The following DNAH6 variants were observed in gnomAD, a reference collection of about 807,000 sequenced individuals.
The protein encoded by DNAH6 is dynein axonemal heavy chain 6, also known as axonemal beta dynein heavy chain 6.
A neutral mutation model predicts 491.4 loss-of-function variants in DNAH6; 340 were observed. That is an observed-to-expected ratio of 0.69 (90% CI 0.63 to 0.76). The LOEUF is 0.76. Among genes scored for constraint, DNAH6 ranks in the 30% least tolerant of loss-of-function variants. The probability of loss-of-function intolerance (pLI) is 0.00; values close to 1 mark genes in which losing one functional copy is unlikely to be tolerated. For synonymous variants in DNAH6, 1,603 were observed against 1,686.1 expected, an observed-to-expected ratio of 0.95 and a Z score of 1.21; for missense variants, 4,443 against 4,972.2, an observed-to-expected ratio of 0.89 and a Z score of 3.20.
chr2:84,559,684 G>C (rs1215683239), intron 11 of DNAH6, among the ~76,000 whole-genome samples: 3 of 151,980 alleles, frequency 2.0e-5, no homozygotes. Flanking sequence ...CCCAATCCCT[G>C]AGCTAAAGAA....
chr2:84,716,615 T>C (rs75176140), intron 58 of DNAH6, among the ~76,000 whole-genome samples: 3,825 of 152,298 alleles, frequency 0.025, 54 homozygotes, highest in Middle Eastern at 0.085. Context: ...TTAAAGTTTA[T>C]TTCAACATAT....
intron 23 of DNAH6, among the ~76,000 whole-genome samples, chr2:84,619,383 A>G (rs995666779): frequency 6.6e-6 from 1 of 152,246 alleles, no homozygotes; most frequent in Non-Finnish European, 1.5e-5. Flanking sequence ...AAAGCCAGGT[A>G]AGACAGATAT....
intron 31 of DNAH6, among the ~76,000 whole-genome samples, chr2:84,640,012 C>T (rs1039800939): frequency 6.6e-6 from 1 of 152,176 alleles, no homozygotes; most frequent in African/African-American, 2.4e-5. Context: ...CTTGACTCCT[C>T]GGGAAACTAA....
At chr2:84,636,692 G>A (rs1181432955) in intron 30 of DNAH6, among the ~76,000 whole-genome samples, 2 of 152,178 alleles carry the variant, frequency 1.3e-5, no homozygotes, top group East Asian at 3.8e-4. Flanking sequence ...CAGAAAGTGG[G>A]AGTGGAGAAG....
chr2:84,685,324 A>C lies in DNAH6; in HGVS notation c.6917-2A>C, dbSNP rs1694164163. 3 of 1,451,248 alleles carry C rather than the reference A, an allele frequency of 2.1e-6. No individual in the cohort carries two copies. The highest frequency in any genetic ancestry group is 9.1e-7 in the Non-Finnish European group (1 of 1,095,244). The allele number at this position is 1,451,248 out of a possible 1,614,324, so 89.9% of individuals were successfully genotyped here. ...TTTTTTTTTCCTTTTCTTAAAAAAC[A>C]GGTATCCTCCAATGTGATCCAGGAA... On this transcript the variant is annotated splice_acceptor_variant, in intron 42 of 76. Transcript: ENST00000389394. LOFTEE classifies it high-confidence loss of function.
chr2:84,524,993 T>A (rs1191275585), intron 2 of DNAH6, among the ~76,000 whole-genome samples: 6 of 152,128 alleles, frequency 3.9e-5, no homozygotes, highest in African/African-American at 1.4e-4. Flanking sequence ...CTTTTTTTCT[T>A]ATCCCAGTAT....
chr2:84,819,360 C>T lies in DNAH6; in HGVS notation c.12429C>T (p.Asp4143=). 1 of 1,551,528 alleles carries T rather than the reference C, an allele frequency of 6.4e-7. No homozygotes were observed. The highest frequency in any genetic ancestry group is 8.7e-7 in the Non-Finnish European group (1 of 1,146,902). ...TVLLPSKRSK[D]YWIAKGSALL... is the part of the protein sequence containing the mutation. ...TGTTACCCTCCAAGCGGTCCAAAGA[C>T]TACTGGATTGCCAAGGGATCAGCTT... is the stretch of plus-strand genomic sequence containing the variant. The change falls in exon 77 of 77, where the codon GAC becomes GAT. Residue 4143 remains aspartate, a synonymous_variant. Coordinates refer to ENST00000389394, the MANE Select transcript of DNAH6 (RefSeq NM_001370.2).
chr2:84,476,756 A>G, the DNAH6 span, among the ~76,000 whole-genome samples: 24 of 152,342 alleles, frequency 1.6e-4, no homozygotes, highest in African/African-American at 5.5e-4. Flanking sequence ...TCCGTGAACC[A>G]TGGGCAAAAC....
At chr2:84,693,375 A>C (rs1268348958) in intron 45 of DNAH6, among the ~76,000 whole-genome samples, 2 of 148,792 alleles carry the variant, frequency 1.3e-5, no homozygotes, top group African/African-American at 5.1e-5. Flanking sequence ...TCTCTACCCA[A>C]CTTTTCCTAA....
intron 37 of DNAH6, among the ~76,000 whole-genome samples, chr2:84,661,594 T>C (rs950329573): frequency 6.6e-6 from 1 of 152,182 alleles, no homozygotes; most frequent in Admixed American, 6.5e-5. Flanking sequence ...TAATGAATGA[T>C]GTGAAAGGCC....
chr2:84,620,019 G>A, intron 24 of DNAH6, 115 bp downstream of exon 24: 9 of 951,066 alleles, frequency 9.5e-6, no homozygotes, highest in Non-Finnish European at 1.4e-5. Flanking sequence ...GGATAACCAA[G>A]ATAAAATTCT....
At chr2:84,583,906 C>A in intron 14 of DNAH6, 93 bp from the exon 15 acceptor site, 2 of 1,265,218 alleles carry the variant, frequency 1.6e-6, no homozygotes, top group Non-Finnish European at 2.2e-6. Flanking sequence ...ATACAATGTT[C>A]ATATTGTACA....
intron 41 of DNAH6, among the ~76,000 whole-genome samples, chr2:84,680,399 T>C (rs769753776): frequency 3.5e-4 from 53 of 152,126 alleles, no homozygotes; most frequent in Non-Finnish European, 6.9e-4. Context: ...CATGTTCAAG[T>C]TGTGATGTTA....
intron 4 of DNAH6, 89 bp downstream of exon 4, chr2:84,529,255 C>A (rs1676923292): frequency 1.0e-6 from 1 of 993,938 alleles, no homozygotes; most frequent in Non-Finnish European, 1.4e-6. Context: ...TTAATAATAA[C>A]AATATCAAAT....
At chr2:84,648,338 G>A (rs1458483498) in intron 33 of DNAH6, among the ~76,000 whole-genome samples, 1 of 152,214 alleles carries the variant, frequency 6.6e-6, no homozygotes, top group Middle Eastern at 3.2e-3. Flanking sequence ...GGATCAAGGA[G>A]TACTTTCAAC....
Position 84,705,708 on chromosome 2 carries a change from G to A in DNAH6, c.8688G>A (p.Lys2896=). ...RAMDLYSRVV[K]VVEPKRQKLR... is the part of the protein sequence containing the mutation. ...TGGATTTGTACTCTCGAGTGGTCAAGGTCGTCGAACCAAAAAGACAAAAGC... is the reference window on the plus strand; with the variant it reads ...TGGATTTGTACTCTCGAGTGGTCAAAGTCGTCGAACCAAAAAGACAAAAGC... The change falls in exon 52 of 77, where the codon AAG becomes AAA. Residue 2896 remains lysine, a synonymous_variant. Transcript: ENST00000389394. 6.4e-7 allele frequency: 1 copy of A among 1,551,238 alleles called. No homozygotes were observed. Among genetic ancestry groups the A allele is most frequent in the Non-Finnish European group, 8.7e-7 (1 of 1,146,838 alleles).
At chr2:84,758,663 C>T (rs1261315646) in intron 63 of DNAH6, among the ~76,000 whole-genome samples, 2 of 152,130 alleles carry the variant, frequency 1.3e-5, no homozygotes, top group Non-Finnish European at 2.9e-5. Context: ...AAATGTGATA[C>T]ATCACATAAA....
chr2:84,702,398 A>G (rs1695998374), intron 49 of DNAH6, among the ~76,000 whole-genome samples: 1 of 152,160 alleles, frequency 6.6e-6, no homozygotes, highest in African/African-American at 2.4e-5. Context: ...CATGACCTAC[A>G]ATTTTCTACA....
chr2:84,547,680 T>G (rs1361589512), intron 7 of DNAH6, 68 bp downstream of exon 7: 31 of 1,455,638 alleles, frequency 2.1e-5, no homozygotes, highest in Non-Finnish European at 2.9e-5. Flanking sequence ...CCTTTTTTAT[T>G]TGACTTTTCT....
Sources: allele counts gnomAD v4.1 joint callset (sites outside exome capture counted in the v4.1 genomes callset), GRCh38; gene constraint gnomAD v4.1.1; transcripts MANE v1.5; gene names NCBI Gene and HGNC (gene_info 2026-07-23, HGNC 2026-07-21).